The following LPIN1 variants were observed in gnomAD, a reference collection of about 807,000 sequenced individuals.
LPIN1 encodes the protein phosphatidate phosphatase LPIN1.
LPIN1 carries 71 observed loss-of-function variants against 107.5 expected under a neutral mutation model. That is an observed-to-expected ratio of 0.66 (90% CI 0.55 to 0.80). The LOEUF is 0.80. Among genes scored for constraint, LPIN1 ranks in the 30% least tolerant of loss-of-function variants. The pLI, the probability that LPIN1 is intolerant of heterozygous loss-of-function variation, is 0.00. For missense variants in LPIN1, 1,043 were observed against 1,160.6 expected, an observed-to-expected ratio of 0.90 and a Z score of 1.47; for synonymous variants, 445 against 452.6, an observed-to-expected ratio of 0.98 and a Z score of 0.21.
At chr2:11,755,178 A>G (rs1398209042) in intron 1 of LPIN1, among the ~76,000 whole-genome samples, 1 of 151,996 alleles carries the variant, frequency 6.6e-6, no homozygotes, top group Non-Finnish European at 1.5e-5. Context: ...CATGTTAGCC[A>G]GGATGGTCTC....
chr2:11,819,198 A>G (rs549506266), intron 18 of LPIN1: 52 of 383,220 alleles, frequency 1.4e-4, no homozygotes, highest in African/African-American at 9.8e-4. Flanking sequence ...TAATTTGGAG[A>G]TGTTCTTTTT....
At chr2:11,739,172 A>G (rs529796248) in intron 1 of LPIN1, among the ~76,000 whole-genome samples, 1 of 152,226 alleles carries the variant, frequency 6.6e-6, no homozygotes, top group Admixed American at 6.5e-5. Context: ...GGAAAGCCAG[A>G]AGCTGTATTG....
chr2:11,761,647 CAGCCCCTGCAT>C (rs1388510020), intron 1 of LPIN1, among the ~76,000 whole-genome samples: 3 of 152,068 alleles, frequency 2.0e-5, no homozygotes, highest in African/African-American at 7.2e-5. Flanking sequence ...CAGTTCTTAC[CAGCCCCTGCAT>C]GCAGGGGATT....
chr2:11,822,991 T>C (rs1247023326), intron 20 of LPIN1: 2 of 152,234 alleles, frequency 1.3e-5, no homozygotes, highest in African/African-American at 4.8e-5. Context: ...GTTGTTCCTG[T>C]GAGAGAGTAA....
intron 4 of LPIN1, among the ~76,000 whole-genome samples, chr2:11,772,587 A>G (rs1039546399): frequency 2.6e-5 from 4 of 152,228 alleles, no homozygotes; most frequent in African/African-American, 7.2e-5. Context: ...TGTTTTCTCT[A>G]TAAGCCAACT....
intron 1 of LPIN1, among the ~76,000 whole-genome samples, chr2:11,756,105 T>C (rs140355588): frequency 1.9e-3 from 282 of 152,350 alleles, no homozygotes; most frequent in African/African-American, 5.9e-3. Context: ...AGTACATTTA[T>C]TGAGACAGTT....
At chr2:11,761,220 CA>C (rs1669776535) in intron 1 of LPIN1, among the ~76,000 whole-genome samples, 1 of 152,174 alleles carries the variant, frequency 6.6e-6, no homozygotes, top group South Asian at 2.1e-4. Context: ...AATCTAAGTT[CA>C]ACGTGGAAGG....
At chr2:11,713,731 A>C in intron 1 of LPIN1, 2 of 1,370,272 alleles carry the variant, frequency 1.5e-6, no homozygotes, top group South Asian at 2.5e-5. Flanking sequence ...TCTATTAATT[A>C]ATTTCTAATG....
intron 3 of LPIN1, among the ~76,000 whole-genome samples, chr2:11,768,288 G>A (rs1221232489): frequency 6.6e-6 from 1 of 152,074 alleles, no homozygotes; most frequent in South Asian, 2.1e-4. Flanking sequence ...AAGTGTACAC[G>A]TAGTGGTTTT....
intron 7 of LPIN1, 81 bp from the exon 8 acceptor site, chr2:11,782,120 C>G: frequency 9.5e-7 from 1 of 1,054,794 alleles, no homozygotes; most frequent in Non-Finnish European, 1.5e-6. Flanking sequence ...ATTACTTGTT[C>G]TCCTTGGGTC....
chr2:11,678,783 G>A (rs1043958140), intron 1 of LPIN1, among the ~76,000 whole-genome samples: 1 of 152,206 alleles, frequency 6.6e-6, no homozygotes, highest in Admixed American at 6.5e-5. Context: ...CTGTTTTGCA[G>A]CTTGGCCCTT....
In LPIN1 at chr2:11,819,779, T is replaced by C. The variant is rs2716609; in HGVS notation, c.2517+181T>C. On this transcript the variant is annotated intron_variant, in intron 19 of 20. Transcript: ENST00000674199. ...AGGGGATTACAAATTATCTTATGGCTTCCAGGGTTCTTTGAAGGTTGGCGG... is the reference window on the plus strand; with the variant it reads ...AGGGGATTACAAATTATCTTATGGCCTCCAGGGTTCTTTGAAGGTTGGCGG... Among the ~76,000 whole-genome samples, 40,790 of 152,068 alleles carry C rather than the reference T, an allele frequency of 0.27. 8,052 individuals carry two copies. Among genetic ancestry groups the C allele is most frequent in the African/African-American group, 0.55 (22,790 of 41,436 alleles).
exon 1 of LPIN1, chr2:11,724,435 A>C (rs1294815238): frequency 1.0e-6 from 1 of 985,652 alleles, no homozygotes; most frequent in Non-Finnish European, 1.2e-6. Context: ...GAAGGGCAAG[A>C]CCGGGGCCAG....
chr2:11,718,932 A>C (rs942675820), intron 2 of LPIN1, among the ~76,000 whole-genome samples: 1 of 152,178 alleles, frequency 6.6e-6, no homozygotes, highest in African/African-American at 2.4e-5. Context: ...GGACGCAAGG[A>C]GTGGTTCTCT....
rs201897285 is a variant in LPIN1 at position 11,759,133 on chromosome 2, T to TTTTCTTTCTTTCTTTC, written c.-9-6356_-9-6341dup. On this transcript the variant is annotated intron_variant, in intron 1 of 20. Transcript: ENST00000674199. ...TGAGCTAGCTAGCTTGCTTTCTTTC[T>TTTTCTTTCTTTCTTTC]TTTCTTTCTTTCTTTCTTTCTTTCT... Among the ~76,000 whole-genome samples, 215 of 131,636 alleles carry TTTTCTTTCTTTCTTTC rather than the reference T, an allele frequency of 1.6e-3. 1 individual carries two copies. The highest frequency in any genetic ancestry group is 4.0e-3 in the East Asian group (18 of 4,548). 86.4% of individuals were successfully genotyped at this position (131,636 alleles called of 152,430 possible).
At chr2:11,787,035 TTTTTG>T (rs1558911715) in intron 10 of LPIN1, 34 bp from the exon 11 acceptor site, 1 of 1,448,754 alleles carries the variant, frequency 6.9e-7, no homozygotes, top group South Asian at 1.1e-5. Flanking sequence ...CTGAATTTTC[TTTTTG>T]TTTTTCCCTG....
At chr2:11,746,778 G>C (rs1035276630) in intron 1 of LPIN1, 107 bp downstream of exon 1, 2 of 504,170 alleles carry the variant, frequency 4.0e-6, no homozygotes, top group Non-Finnish European at 5.1e-6. Flanking sequence ...TGGCGAGGCG[G>C]GGGCTCGGCC....
At chr2:11,809,921 C>A (rs1679368767) in intron 17 of LPIN1, among the ~76,000 whole-genome samples, 1 of 152,212 alleles carries the variant, frequency 6.6e-6, no homozygotes, top group Non-Finnish European at 1.5e-5. Context: ...CGAGTACCTT[C>A]CCCACTCTGA....
chr2:11,813,173 C>T (rs1008893898), intron 17 of LPIN1, among the ~76,000 whole-genome samples: 10 of 152,178 alleles, frequency 6.6e-5, no homozygotes, highest in African/African-American at 1.7e-4. Flanking sequence ...ACGTACTGCG[C>T]AGTGGGTGTA....
Sources: allele counts gnomAD v4.1 joint callset (sites outside exome capture counted in the v4.1 genomes callset), GRCh38; gene constraint gnomAD v4.1.1; transcripts MANE v1.5; gene names NCBI Gene and HGNC (gene_info 2026-07-23, HGNC 2026-07-21).